FOXP1: variants seen among roughly 807,000 people sequenced by gnomAD.
The protein encoded by FOXP1 is forkhead box P1.
A neutral mutation model predicts 98.2 loss-of-function variants in FOXP1; 15 were observed. The ratio of observed to expected loss-of-function variants is 0.15; its 90% confidence interval spans 0.10 to 0.24. The LOEUF is 0.24. FOXP1 is among the 10% of genes least tolerant of loss of function. The pLI, the probability that FOXP1 is intolerant of heterozygous loss-of-function variation, is 1.00. For synonymous variants in FOXP1, 371 were observed against 314.5 expected, an observed-to-expected ratio of 1.18 and a Z score of -1.90; for missense variants, 633 against 848.5, an observed-to-expected ratio of 0.75 and a Z score of 3.15.
chr3:70,999,658 T>C (rs939654987), intron 13 of FOXP1, among the ~76,000 whole-genome samples: 2 of 152,222 alleles, frequency 1.3e-5, no homozygotes, highest in Non-Finnish European at 2.9e-5. Flanking sequence ...AAAAATGTAA[T>C]TGGTCATATA....
Position 71,313,767 on chromosome 3 carries a change from C to T in FOXP1, c.-72-13887G>A, listed in dbSNP as rs554731460. On this transcript the variant is annotated intron_variant, in intron 4 of 20. Transcript: ENST00000649528. ...GTCTCGATCTCCTGACCTCGTGATC[C>T]GCCCACCTCGGCCTCCCAAAGTGCT... Among the ~76,000 whole-genome samples the T allele has an allele frequency of 5.9e-5, 9 of 152,148 alleles. No homozygotes were observed. The East Asian group carries it at 7.8e-4, about 13-fold the overall frequency.
chr3:71,204,593 C>T (rs540320116), intron 5 of FOXP1, among the ~76,000 whole-genome samples: 15 of 152,182 alleles, frequency 9.9e-5, no homozygotes, highest in Admixed American at 3.3e-4. Context: ...CGTCACCTGG[C>T]GAGATGCTGC....
At chr3:70,978,092 A>ATCTAGCAGGAGTAAC (rs2037974621) in intron 14 of FOXP1, 63 bp from the exon 15 acceptor site, 1 of 1,369,202 alleles carries the variant, frequency 7.3e-7, no homozygotes. Flanking sequence ...CAGGAACCAC[A>ATCTAGCAGGAGTAAC]TCTAGCAGGA....
chr3:71,582,936 C>A, intron 1 of FOXP1: 2 of 415,170 alleles, frequency 4.8e-6, no homozygotes, highest in Non-Finnish European at 6.5e-6. Context: ...CTGGGGCCCG[C>A]GGGGCAGCTC....
In FOXP1 at chr3:71,348,547, G is replaced by GCA. The variant is rs1489077551; in HGVS notation, c.-73+10602_-73+10603insTG. Among the ~76,000 whole-genome samples the GCA allele has an allele frequency of 5.3e-5, 7 of 131,490 alleles. 1 individual carries two copies. In the East Asian group the frequency reaches 6.1e-4, roughly 11 times the overall value. The allele number at this position is 131,490 out of a possible 152,430, so 86.3% of individuals were successfully genotyped here. A position where few individuals can be genotyped will look rare whatever the true frequency, so the allele number is the denominator to read the frequency against. ...CGTGTGTGTGTGTGTGTGTGTGTGT[G>GCA]TGCGTGCGCGCGCGCACGCATATGC... On this transcript the variant is annotated intron_variant, in intron 4 of 20. Transcript: ENST00000649528.
chr3:71,172,274 CCTG>C (rs1302161102), intron 6 of FOXP1, among the ~76,000 whole-genome samples: 1 of 152,058 alleles, frequency 6.6e-6, no homozygotes, highest in Admixed American at 6.5e-5. Context: ...ATAGAATATG[CCTG>C]CTTTTTAATG....
intron 18 of FOXP1, chr3:70,971,677 CATTTTAACTAACCAAA>C (rs2036279842): frequency 4.8e-6 from 1 of 206,624 alleles, no homozygotes; most frequent in African/African-American, 2.3e-5. Flanking sequence ...TATATACACA[CATTTTAACTAACCAAA>C]AATTCCCTTT....
intron 9 of FOXP1, among the ~76,000 whole-genome samples, chr3:71,048,606 A>G (rs2049372062): frequency 6.6e-6 from 1 of 152,144 alleles, no homozygotes; most frequent in South Asian, 2.1e-4. Flanking sequence ...CATGCATAAA[A>G]TGATCCAATT....
intron 7 of FOXP1, among the ~76,000 whole-genome samples, chr3:71,107,909 C>T (rs2057574628): frequency 6.6e-6 from 1 of 152,226 alleles, no homozygotes; most frequent in Admixed American, 6.5e-5. Context: ...ATTTTAACCT[C>T]CTCCACTTAA....
At position 71,046,997 on chromosome 3, in the gene FOXP1, G is replaced by C. The variant is rs760044809; in HGVS notation, c.609C>G (p.Gly203=). 1 of 1,614,116 alleles carries C rather than the reference G, an allele frequency of 6.2e-7. No individual in the cohort carries two copies. The highest frequency in any genetic ancestry group is 1.1e-5 in the South Asian group (1 of 91,082). Residue 203 remains glycine, a synonymous_variant, in exon 10 of 21, where the codon GGC becomes GGG. Coordinates refer to ENST00000649528, the MANE Select transcript of FOXP1 (RefSeq NM_001349338.3). ...GCTGCCCGGGCTGAATTGTCAGAAG[G>C]CCTTGGCGCTGCAAAGACAGGAGGT... ...QQHLLSLQRQ[G]LLTIQPGQPA...
chr3:71,200,414 G>A (rs2063599374), intron 5 of FOXP1, among the ~76,000 whole-genome samples: 1 of 152,190 alleles, frequency 6.6e-6, no homozygotes, highest in Admixed American at 6.5e-5. Context: ...TCCACTACAT[G>A]TCACAGCTAG....
chr3:71,287,063 T>C (rs1488660015), intron 5 of FOXP1, among the ~76,000 whole-genome samples: 1 of 152,196 alleles, frequency 6.6e-6, no homozygotes, highest in Non-Finnish European at 1.5e-5. Flanking sequence ...AAGATGTAGA[T>C]ATATTAAGTA....
intron 11 of FOXP1, among the ~76,000 whole-genome samples, chr3:71,041,117 T>G (rs757901763): frequency 3.3e-5 from 5 of 151,876 alleles, no homozygotes; most frequent in Non-Finnish European, 5.9e-5. Flanking sequence ...AAGCTGAGAG[T>G]AGATCTACAT....
At chr3:71,496,972 G>C (rs1340635935) in intron 2 of FOXP1, among the ~76,000 whole-genome samples, 1 of 151,960 alleles carries the variant, frequency 6.6e-6, no homozygotes, top group African/African-American at 2.4e-5. Context: ...GTGTGTGTGT[G>C]TGTGTGTGTG....
chr3:71,566,531 T>C (rs1327042121), intron 2 of FOXP1, among the ~76,000 whole-genome samples: 1 of 152,166 alleles, frequency 6.6e-6, no homozygotes, highest in Non-Finnish European at 1.5e-5. Flanking sequence ...AAAATTAAGG[T>C]TGTTGTGAAA....
At chr3:71,398,574 T>C (rs925732781) in intron 3 of FOXP1, among the ~76,000 whole-genome samples, 10 of 152,178 alleles carry the variant, frequency 6.6e-5, no homozygotes, top group Non-Finnish European at 1.5e-4. Flanking sequence ...CAGAAGCAAC[T>C]ATGTCACTCA....
chr3:71,130,894 C>T, intron 6 of FOXP1: 3 of 1,374,910 alleles, frequency 2.2e-6, no homozygotes, highest in Non-Finnish European at 2.8e-6. Context: ...TCCAGGTCTG[C>T]AAGCAGCGAC....
At chr3:71,402,854 G>C (rs1371032992) in intron 3 of FOXP1, among the ~76,000 whole-genome samples, 1 of 152,192 alleles carries the variant, frequency 6.6e-6, no homozygotes, top group Non-Finnish European at 1.5e-5. Context: ...GCTAAGAGGG[G>C]TTCCTTCAGG....
chr3:71,483,662 G>A (rs200728391), intron 3 of FOXP1, among the ~76,000 whole-genome samples: 2 of 152,106 alleles, frequency 1.3e-5, no homozygotes, highest in East Asian at 3.9e-4. Context: ...TGCTTAGAGG[G>A]GACAAAGGTA....
Sources: allele counts gnomAD v4.1 joint callset (sites outside exome capture counted in the v4.1 genomes callset), GRCh38; gene constraint gnomAD v4.1.1; transcripts MANE v1.5; gene names NCBI Gene and HGNC (gene_info 2026-07-23, HGNC 2026-07-21).